Variants in RAP1B observed in about 807,000 individuals in gnomAD.
The protein encoded by RAP1B is ras-related protein Rap-1b.
A neutral mutation model predicts 27.5 loss-of-function variants in RAP1B; 1 was observed. That is an observed-to-expected ratio of 0.04 (90% CI 0.01 to 0.17). The LOEUF is 0.17. Ranked by LOEUF, RAP1B falls within the 10% of genes least tolerant of loss-of-function variation. The pLI is 1.00. For missense variants in RAP1B, 84 were observed against 214.8 expected (o/e 0.39, Z 3.81); for synonymous variants, 75 against 73.1 (o/e 1.03, Z -0.13).
rs1873848092 is a variant in RAP1B, at chr12:68,652,064, A to C, written c.183+13A>C. ...TACTGCAGGAACGGTAGGTAAAACTAAATACCAAAGTATATACACCGTTTG... is the reference window on the plus strand; with the variant it reads ...TACTGCAGGAACGGTAGGTAAAACTCAATACCAAAGTATATACACCGTTTG... On this transcript the variant is annotated intron_variant, in intron 4 of 7. Transcript: ENST00000250559. The C allele has an allele frequency of 4.4e-6, 7 of 1,596,282 alleles. No homozygotes were observed. The highest frequency in any genetic ancestry group is 6.0e-6 in the Non-Finnish European group (7 of 1,163,900).
At chr12:68,640,770 G>A (rs1243729752) in intron 1 of RAP1B, among the ~76,000 whole-genome samples, 1 of 152,096 alleles carries the variant, frequency 6.6e-6, no homozygotes, top group Non-Finnish European at 1.5e-5. Flanking sequence ...AATCCAGAAT[G>A]TTGGATAATT....
At chr12:68,621,160 A>C (rs1041240988) in intron 1 of RAP1B, among the ~76,000 whole-genome samples, 5 of 152,236 alleles carry the variant, frequency 3.3e-5, no homozygotes, top group African/African-American at 1.2e-4. Context: ...GGGTAGCTTC[A>C]GGGATTAAGC....
rs367795718 is a variant in RAP1B, at chr12:68,642,545, TA to T, written c.-26-6152del. 1.2e-4 allele frequency: 128 copies of T among 1,035,360 alleles called. No homozygotes were observed. In the African/African-American group the frequency reaches 1.9e-3, roughly 15 times the overall value. 64.1% of individuals were successfully genotyped at this position (1,035,360 alleles called of 1,614,324 possible). A position where few individuals can be genotyped will look rare whatever the true frequency, so the allele number is the denominator to read the frequency against. Reference sequence around the variant, plus strand: ...ATTCTCGATTAGTTGGTGAGGCCAATAAGGATACTTTTTCTCGTCTAATTTG... The same window carrying T: ...ATTCTCGATTAGTTGGTGAGGCCAATAGGATACTTTTTCTCGTCTAATTTG... On this transcript the variant is annotated intron_variant, in intron 1 of 7. Coordinates refer to ENST00000250559, the MANE Select transcript of RAP1B (RefSeq NM_001010942.3).
intron 1 of RAP1B, among the ~76,000 whole-genome samples, chr12:68,628,874 C>G (rs181087155): frequency 2.4e-4 from 36 of 152,320 alleles, no homozygotes; most frequent in Admixed American, 1.1e-3. Flanking sequence ...AGATAGAACA[C>G]TATCATTACA....
At chr12:68,646,823 T>A (rs1195294204) in intron 1 of RAP1B, among the ~76,000 whole-genome samples, 1 of 152,194 alleles carries the variant, frequency 6.6e-6, no homozygotes, top group African/African-American at 2.4e-5. Flanking sequence ...ATCTGTGGGC[T>A]TGCATTTCTT....
At chr12:68,644,980 T>C (rs183246739) in intron 1 of RAP1B, among the ~76,000 whole-genome samples, 1 of 152,292 alleles carries the variant, frequency 6.6e-6, no homozygotes, top group East Asian at 1.9e-4. Context: ...ATTACAGGCG[T>C]GAGCCACCAC....
At chr12:68,630,411 CCAAAAAAAACAAAAA>C (rs1175278764) in intron 1 of RAP1B, among the ~76,000 whole-genome samples, 1 of 151,870 alleles carries the variant, frequency 6.6e-6, no homozygotes, top group African/African-American at 2.4e-5. Flanking sequence ...ATTTTATTTA[CCAAAAAAAACAAAAA>C]CAAAAAAACA....
At chr12:68,651,662 G>T (rs12312450) in intron 3 of RAP1B, 2 of 246,570 alleles carry the variant, frequency 8.1e-6, no homozygotes, top group Non-Finnish European at 1.6e-5. Context: ...TGTTGGAACT[G>T]TTGCTGGTTT....
intron 1 of RAP1B, among the ~76,000 whole-genome samples, chr12:68,646,835 G>A (rs1430108653): frequency 6.6e-6 from 1 of 152,090 alleles, no homozygotes; most frequent in Admixed American, 6.6e-5. Context: ...GCATTTCTTC[G>A]AAAACAAAGA....
In RAP1B at chr12:68,669,416, C is replaced by T. The variant is rs1444039250; in HGVS notation, c.*10167C>T. On this transcript the variant is annotated 3_prime_UTR_variant, in exon 8 of 8. Transcript: ENST00000250559. ...TAGACTGGATGTTGGTCTTGAACTC[C>T]TGGGCTCAAGCAAGTGTCACACCTT... 1 of 152,152 alleles carries T rather than the reference C, an allele frequency of 6.6e-6. No individual in the cohort carries two copies. The highest frequency in any genetic ancestry group is 1.5e-5 in the Non-Finnish European group (1 of 68,036). The allele number at this position is 152,152 out of a possible 1,614,324, so 9.4% of individuals were successfully genotyped here.
intron 5 of RAP1B, among the ~76,000 whole-genome samples, chr12:68,655,156 TA>T (rs968806114): frequency 9.3e-4 from 137 of 146,606 alleles, no homozygotes; most frequent in Non-Finnish European, 8.5e-4. Context: ...ACCAGAAATT[TA>T]AAAAAAAAAA....
chr12:68,633,872 AAAAACAAAAAAACTT>A (rs1426315174), intron 1 of RAP1B, among the ~76,000 whole-genome samples: 2 of 152,216 alleles, frequency 1.3e-5, no homozygotes, highest in African/African-American at 4.8e-5. Context: ...TCTGTCTCAA[AAAAACAAAAAAACTT>A]AACATCTCTA....
At chr12:68,645,258 T>G (rs1283125802) in intron 1 of RAP1B, among the ~76,000 whole-genome samples, 1 of 152,220 alleles carries the variant, frequency 6.6e-6, no homozygotes, top group East Asian at 1.9e-4. Flanking sequence ...AGTGAGGCTC[T>G]GAAAGGTTTC....
At chr12:68,629,778 T>G (rs1872102353) in intron 1 of RAP1B, among the ~76,000 whole-genome samples, 1 of 152,326 alleles carries the variant, frequency 6.6e-6, no homozygotes, top group East Asian at 1.9e-4. Context: ...ATGATAGCTA[T>G]CTATGCCAGA....
rs1565678126 is a variant in RAP1B at position 68,663,960 on chromosome 12, C to T, written c.*4711C>T. On this transcript the variant is annotated 3_prime_UTR_variant, in exon 8 of 8. Transcript: ENST00000250559. The stretch of plus-strand genomic sequence containing the variant: ...TTTAGAAAAGTGAGCTGTCATTTTT[C>T]ATATATATAAATTTTTTTATTCATA... 6.6e-6 allele frequency: 1 copy of T among 152,080 alleles called. No homozygotes were observed. The highest frequency in any genetic ancestry group is 1.5e-5 in the Non-Finnish European group (1 of 68,012). 9.4% of individuals were successfully genotyped at this position (152,080 alleles called of 1,614,324 possible).
In RAP1B at chr12:68,655,007, G is replaced by T. The variant is rs1170086444; in HGVS notation, c.324+755G>T. Among the ~76,000 whole-genome samples, 9 of 152,078 alleles carry T rather than the reference G, an allele frequency of 5.9e-5. No homozygotes were observed. The East Asian group carries it at 1.7e-3, about 29-fold the overall frequency. The stretch of plus-strand genomic sequence containing the variant: ...GTTTCGAAGTGGTGTTGGTTTTGCT[G>T]ATCTGCATACTGTAAGAACCAGGCT... On this transcript the variant is annotated intron_variant, in intron 5 of 7. Coordinates refer to ENST00000250559, the MANE Select transcript of RAP1B (RefSeq NM_001010942.3).
rs1410563441 is a variant in RAP1B at position 68,663,323 on chromosome 12, A to G, written c.*4074A>G. On this transcript the variant is annotated 3_prime_UTR_variant, in exon 8 of 8. Transcript: ENST00000250559. The stretch of plus-strand genomic sequence containing the variant: ...GGTGATCCGCCTGCGTCAGCCTCCC[A>G]AAGTGCTGGGATTACAGGTGTGAGC... 1 of 152,250 alleles carries G rather than the reference A, an allele frequency of 6.6e-6. No individual in the cohort carries two copies. Among genetic ancestry groups the G allele is most frequent in the African/African-American group, 2.4e-5 (1 of 41,444 alleles). 9.4% of individuals were successfully genotyped at this position (152,250 alleles called of 1,614,324 possible).
At position 68,666,993 on chromosome 12, in the gene RAP1B, G is replaced by C. The variant is rs144150929; in HGVS notation, c.*7744G>C. ...TTCCAGAAGCAACATACTGGGTATG[G>C]AATATTGTTAACCATTGTCATCCCA... On this transcript the variant is annotated 3_prime_UTR_variant, in exon 8 of 8. Coordinates refer to ENST00000250559, the MANE Select transcript of RAP1B (RefSeq NM_001010942.3). The C allele has an allele frequency of 6.7e-4, 102 of 152,244 alleles. No individual in the cohort carries two copies. Among genetic ancestry groups the C allele is most frequent in the African/African-American group, 2.4e-3 (99 of 41,542 alleles). 9.4% of individuals were successfully genotyped at this position (152,244 alleles called of 1,614,324 possible). A position where few individuals can be genotyped will look rare whatever the true frequency, so the allele number is the denominator to read the frequency against.
At chr12:68,629,259 G>GT (rs1173436578) in intron 1 of RAP1B, among the ~76,000 whole-genome samples, 2 of 152,284 alleles carry the variant, frequency 1.3e-5, no homozygotes, top group East Asian at 3.9e-4. Context: ...GATTACAGGC[G>GT]TGAGCCCTTG....
Sources: allele counts gnomAD v4.1 joint callset (sites outside exome capture counted in the v4.1 genomes callset), GRCh38; gene constraint gnomAD v4.1.1; transcripts MANE v1.5; gene names NCBI Gene and HGNC (gene_info 2026-07-23, HGNC 2026-07-21).